IGF2BP2: variants seen among roughly 807,000 people sequenced by gnomAD.
The protein encoded by IGF2BP2 is insulin-like growth factor 2 mRNA-binding protein 2.
In IGF2BP2, 17 loss-of-function variants were observed where a neutral mutation model predicts 75.8. The ratio of observed to expected loss-of-function variants is 0.22; its 90% confidence interval spans 0.15 to 0.34. The LOEUF (loss-of-function observed/expected upper bound fraction) is 0.34. IGF2BP2 is among the 10% of genes least tolerant of loss of function. The pLI, the probability that IGF2BP2 is intolerant of heterozygous loss-of-function variation, is 1.00. For missense variants in IGF2BP2, 516 were observed against 772.4 expected (o/e 0.67, Z 3.93); for synonymous variants, 288 against 295.6 (o/e 0.97, Z 0.26).
intron 2 of IGF2BP2, among the ~76,000 whole-genome samples, chr3:185,743,650 C>T (rs538287580): frequency 2.0e-5 from 3 of 152,108 alleles, no homozygotes; most frequent in Non-Finnish European, 2.9e-5. Context: ...TGCACTTGGT[C>T]CAGCAAATTA....
chr3:185,800,733 A>AGAAAGAAAGAAAGAAG (rs1738121781), intron 2 of IGF2BP2, among the ~76,000 whole-genome samples: 1 of 152,090 alleles, frequency 6.6e-6, no homozygotes, highest in South Asian at 2.1e-4. Flanking sequence ...AAAGAAAGAA[A>AGAAAGAAAGAAAGAAG]GAAAGAAAGT....
At chr3:185,799,860 G>A (rs1327248618) in intron 2 of IGF2BP2, among the ~76,000 whole-genome samples, 2 of 152,158 alleles carry the variant, frequency 1.3e-5, no homozygotes, top group Admixed American at 1.3e-4. Flanking sequence ...CATTGTGGAA[G>A]ACAGTGTAGC....
At chr3:185,699,536 C>A (rs1723017768) in intron 2 of IGF2BP2, among the ~76,000 whole-genome samples, 1 of 152,198 alleles carries the variant, frequency 6.6e-6, no homozygotes, top group Non-Finnish European at 1.5e-5. Flanking sequence ...TCTCACCACC[C>A]CCTCTTTCAC....
rs1447187705 is a variant in IGF2BP2, at chr3:185,696,638, T to A, written c.314A>T (p.Tyr105Phe). The A allele has an allele frequency of 1.9e-6, 3 of 1,613,752 alleles. No individual in the cohort carries two copies. The highest frequency in any genetic ancestry group is 8.5e-7 in the Non-Finnish European group (1 of 1,179,936). ...WEVLDGLLAQ[Y>F]GTVENVEQVN... Reference sequence around the variant, plus strand: ...TTGTTCCACATTCTCCACTGTCCCATATTGAGCCAAAAGTCCATCCAACAC... The same window carrying A: ...TTGTTCCACATTCTCCACTGTCCCAAATTGAGCCAAAAGTCCATCCAACAC... The change falls in exon 4 of 16, where the codon TAT becomes TTT. Residue 105 changes from tyrosine to phenylalanine, a missense_variant. By Grantham distance (22) the Tyr-to-Phe change is conservative. Around this residue, in one of 3 missense-constraint regions of IGF2BP2, gnomAD observed 312 missense variants for 474.5 expected, o/e 0.66. Transcript: ENST00000382199.
At chr3:185,762,378 A>AG (rs1174602074) in intron 2 of IGF2BP2, among the ~76,000 whole-genome samples, 1 of 150,152 alleles carries the variant, frequency 6.7e-6, no homozygotes, top group Non-Finnish European at 1.5e-5. Flanking sequence ...AAAAAAAAAA[A>AG]AAAAAAAAGC....
At chr3:185,674,112 T>C (rs759786399) in intron 9 of IGF2BP2, among the ~76,000 whole-genome samples, 1 of 151,676 alleles carries the variant, frequency 6.6e-6, no homozygotes, top group East Asian at 1.9e-4. Context: ...CTGCCTGGAG[T>C]ATAGAGGGTA....
At chr3:185,676,261 G>A (rs1719330749) in intron 7 of IGF2BP2, among the ~76,000 whole-genome samples, 1 of 152,068 alleles carries the variant, frequency 6.6e-6, no homozygotes, top group Non-Finnish European at 1.5e-5. Context: ...GGCAGACTAG[G>A]AAGCCACAGG....
intron 5 of IGF2BP2, among the ~76,000 whole-genome samples, chr3:185,689,959 C>G (rs1721718567): frequency 1.0e-5 from 1 of 96,378 alleles, no homozygotes. Context: ...CAGAGCGAGA[C>G]TCCGTCTCAA....
chr3:185,778,376 G>A (rs1223060546), intron 2 of IGF2BP2, among the ~76,000 whole-genome samples: 2 of 152,156 alleles, frequency 1.3e-5, no homozygotes. Context: ...CACACAGACA[G>A]GGAGAATGTG....
At chr3:185,689,115 G>A in intron 6 of IGF2BP2, 1 of 529,992 alleles carries the variant, frequency 1.9e-6, no homozygotes, top group Non-Finnish European at 3.3e-6. Flanking sequence ...TACAGGAACA[G>A]TCCTGGCTGT....
At chr3:185,713,693 C>T (rs942257080) in intron 2 of IGF2BP2, among the ~76,000 whole-genome samples, 1 of 152,106 alleles carries the variant, frequency 6.6e-6, no homozygotes, top group African/African-American at 2.4e-5. Context: ...GAAGTAAGTG[C>T]TACATACTCT....
At position 185,739,987 on chromosome 3, in the gene IGF2BP2, CT is replaced by C. The variant is rs552182411; in HGVS notation, c.240-41641del. Among the ~76,000 whole-genome samples the C allele has an allele frequency of 2.1e-3, 323 of 151,688 alleles. 1 individual carries two copies. The highest frequency in any genetic ancestry group is 3.7e-3 in the Non-Finnish European group (254 of 67,946). On this transcript the variant is annotated intron_variant, in intron 2 of 15. Transcript: ENST00000382199. ...TCTCCCACCTCACCCTCCTGAGTAG[CT>C]GGTACTACAGGCGTACACCACCATA...
At chr3:185,660,435 C>T (rs910170700) in intron 10 of IGF2BP2, among the ~76,000 whole-genome samples, 1 of 152,146 alleles carries the variant, frequency 6.6e-6, no homozygotes, top group East Asian at 1.9e-4. Context: ...AAAATGAAAC[C>T]GTTGCCCTTT....
chr3:185,792,463 T>A (rs1279720700), intron 2 of IGF2BP2, among the ~76,000 whole-genome samples: 1 of 151,980 alleles, frequency 6.6e-6, no homozygotes, highest in Non-Finnish European at 1.5e-5. Context: ...AAATTATTTT[T>A]TTTTTTGTAA....
At chr3:185,661,189 T>C (rs1716377274) in intron 10 of IGF2BP2, among the ~76,000 whole-genome samples, 1 of 152,228 alleles carries the variant, frequency 6.6e-6, no homozygotes, top group Non-Finnish European at 1.5e-5. Context: ...ATATAGAAGT[T>C]AGTTTCTGGT....
intron 15 of IGF2BP2, 127 bp downstream of exon 15, chr3:185,646,898 C>A: frequency 1.4e-6 from 1 of 707,076 alleles, no homozygotes; most frequent in Admixed American, 2.1e-5. Flanking sequence ...CAGGAAGAAC[C>A]AGGGAGAGGT....
chr3:185,740,039 G>C (rs1471120962), intron 2 of IGF2BP2, among the ~76,000 whole-genome samples: 1 of 151,806 alleles, frequency 6.6e-6, no homozygotes, highest in Non-Finnish European at 1.5e-5. Flanking sequence ...GTACAGACGG[G>C]GTTGTGCCAT....
intron 2 of IGF2BP2, among the ~76,000 whole-genome samples, chr3:185,741,196 G>C (rs1729510017): frequency 6.6e-6 from 1 of 152,086 alleles, no homozygotes; most frequent in Non-Finnish European, 1.5e-5. Context: ...TTGAGAAATT[G>C]TTCTGTCAAA....
chr3:185,734,899 G>A (rs1370725344), intron 2 of IGF2BP2, among the ~76,000 whole-genome samples: 2 of 151,996 alleles, frequency 1.3e-5, no homozygotes, highest in Non-Finnish European at 2.9e-5. Flanking sequence ...ACTCAACTCC[G>A]ACGTGCCTCA....
Sources: allele counts gnomAD v4.1 joint callset (sites outside exome capture counted in the v4.1 genomes callset), GRCh38; gene constraint gnomAD v4.1.1; regional missense constraint gnomAD v4.1.1; transcripts MANE v1.5; gene names NCBI Gene and HGNC (gene_info 2026-07-23, HGNC 2026-07-21).